COL17A1: variants seen among roughly 807,000 people sequenced by gnomAD.
COL17A1 encodes the protein collagen type XVII alpha 1 chain.
A neutral mutation model predicts 218.4 loss-of-function variants in COL17A1; 181 were observed. The ratio of observed to expected loss-of-function variants is 0.83; its 90% CI spans 0.73 to 0.94. The LOEUF (loss-of-function observed/expected upper bound fraction) is 0.94. COL17A1 is among the 40% of genes least tolerant of loss of function. The pLI, the probability that COL17A1 is intolerant of heterozygous loss-of-function variation, is 0.00. For synonymous variants in COL17A1, 721 were observed against 731.0 expected (o/e 0.99, Z 0.22); for missense variants, 1,924 against 1,945.9 (o/e 0.99, Z 0.21).
chr10:104,046,938 C>T (rs1462163193), intron 31 of COL17A1, among the ~76,000 whole-genome samples, 165 bp from the exon 32 acceptor site: 2 of 152,226 alleles, frequency 1.3e-5, no homozygotes, highest in Non-Finnish European at 2.9e-5. Flanking sequence ...CCTCTCAGCT[C>T]TGGATGGAGA....
chr10:104,078,692 C>A, intron 2 of COL17A1, 106 bp from the exon 3 acceptor site: 2 of 1,475,708 alleles, frequency 1.4e-6, no homozygotes, highest in South Asian at 2.4e-5. Context: ...AAATTAGGTT[C>A]GACATTGATT....
intron 34 of COL17A1, 82 bp downstream of exon 34, chr10:104,043,743 C>T: frequency 6.3e-7 from 1 of 1,576,260 alleles, no homozygotes; most frequent in Non-Finnish European, 8.7e-7. Context: ...CAGCCACATC[C>T]TGCCCAGAAC....
chr10:104,076,542 G>T, intron 4 of COL17A1, 113 bp from the exon 5 acceptor site: 1 of 1,465,056 alleles, frequency 6.8e-7, no homozygotes, highest in South Asian at 1.2e-5. Flanking sequence ...CTTCGGGAGG[G>T]CACAGCTGAA....
intron 1 of COL17A1, among the ~76,000 whole-genome samples, chr10:104,081,311 T>G (rs2086763018): frequency 6.6e-6 from 1 of 152,214 alleles, no homozygotes; most frequent in South Asian, 2.1e-4. Flanking sequence ...TGAAAAACAG[T>G]TCAAGAAAGC....
chr10:104,045,115 C>A (rs1319646980), intron 33 of COL17A1, among the ~76,000 whole-genome samples: 1 of 152,128 alleles, frequency 6.6e-6, no homozygotes, highest in African/African-American at 2.4e-5. Flanking sequence ...CACTGTGGGT[C>A]CCTGAACTTG....
In COL17A1 at chr10:104,070,447, C is replaced by G; in HGVS notation, c.586G>C (p.Val196Leu). The change falls in exon 9 of 56, where the codon GTG becomes CTG. Residue 196 changes from valine to leucine, a missense_variant. Physicochemically the swap from Val to Leu is conservative, Grantham distance 32. Transcript: ENST00000648076. ...TTACCCGACTGGGAGCTCGCTGTCA[C>G]AATTTTGGTCTCCACAGTGCCTTTC... Reference protein sequence around the residue: ...PKKGTVETKIVTASSQSVSGT... With the variant: ...PKKGTVETKILTASSQSVSGT... 1 of 1,614,026 alleles carries G rather than the reference C, an allele frequency of 6.2e-7. No homozygotes were observed. The highest frequency in any genetic ancestry group is 1.7e-5 in the Admixed American group (1 of 60,028).
At chr10:104,040,908 A>C (rs949152276) in intron 39 of COL17A1, among the ~76,000 whole-genome samples, 157 bp downstream of exon 39, 1 of 152,248 alleles carries the variant, frequency 6.6e-6, no homozygotes, top group Non-Finnish European at 1.5e-5. Context: ...TATTCCCTCC[A>C]TGTGCAGCAA....
rs1473460426 is a variant in COL17A1, at chr10:104,032,102, G to A, written c.*133C>T. 2.8e-6 allele frequency: 2 copies of A among 719,778 alleles called. No homozygotes were observed. The highest frequency in any genetic ancestry group is 5.0e-6 in the Non-Finnish European group (2 of 396,972). 44.6% of individuals were successfully genotyped at this position (719,778 alleles called of 1,614,324 possible). A position where few individuals can be genotyped will look rare whatever the true frequency, so the allele number is the denominator to read the frequency against. On this transcript the variant is annotated 3_prime_UTR_variant, in exon 56 of 56. Transcript: ENST00000648076. ...ATATATTGTTCAGACTAAAACAAAT[G>A]TTGCTAGCTAGGTTGGCTGTGCTGT...
intron 9 of COL17A1, among the ~76,000 whole-genome samples, chr10:104,068,264 G>A (rs571221693): frequency 7.3e-6 from 1 of 136,784 alleles, no homozygotes; most frequent in Admixed American, 7.8e-5. Flanking sequence ...GAAAAGGAGA[G>A]GAGAATAAAG....
intron 23 of COL17A1, 59 bp downstream of exon 23, chr10:104,052,972 G>T: frequency 6.3e-7 from 1 of 1,582,338 alleles, no homozygotes. Flanking sequence ...GACGGGTGTT[G>T]ACAGAGAGAA....
intron 33 of COL17A1, among the ~76,000 whole-genome samples, chr10:104,044,993 G>T (rs988643354): frequency 1.7e-4 from 26 of 152,070 alleles, no homozygotes; most frequent in Non-Finnish European, 4.4e-5. Flanking sequence ...TTATTTTAGG[G>T]TCCCACCAAG....
intron 29 of COL17A1, 63 bp from the exon 30 acceptor site, chr10:104,048,167 T>C: frequency 6.3e-7 from 1 of 1,576,428 alleles, no homozygotes; most frequent in Non-Finnish European, 8.7e-7. Context: ...TTCCTCCCTC[T>C]ACTGTCCCAG....
chr10:104,080,833 C>T (rs2086758569), intron 1 of COL17A1, 149 bp from the exon 2 acceptor site: 2 of 827,402 alleles, frequency 2.4e-6, no homozygotes, highest in Middle Eastern at 2.7e-4. Context: ...TGAGTCATTC[C>T]CATTTCTTGT....
Position 104,050,847 on chromosome 10 carries a change from C to CCTTTGA in COL17A1, c.2087_2092dup (p.Val696_Lys697dup), listed in dbSNP as rs1310061550. ...TCCCCCCAGGCCTCCCTCCAGCTTA[C>CCTTTGA]CTTTGACACCAGGAAGTCCTACTTC... On this transcript the variant is annotated inframe_insertion and splice_region_variant. Transcript: ENST00000648076. The CCTTTGA allele has an allele frequency of 6.2e-7, 1 of 1,614,134 alleles. No homozygotes were observed. Among genetic ancestry groups the CCTTTGA allele is most frequent in the Non-Finnish European group, 8.5e-7 (1 of 1,180,034 alleles).
chr10:104,080,532 T>C, intron 2 of COL17A1, 90 bp downstream of exon 2: 2 of 1,431,336 alleles, frequency 1.4e-6, no homozygotes, highest in Non-Finnish European at 1.9e-6. Context: ...GTGGTTGTGG[T>C]AGAATTATTA....
Position 104,055,679 on chromosome 10 carries a change from G to A in COL17A1, c.1687+103C>T, listed in dbSNP as rs868371087. The A allele has an allele frequency of 4.8e-5, 72 of 1,490,634 alleles. No individual in the cohort carries two copies. The Middle Eastern group carries it at 1.8e-3, about 37-fold the overall frequency. 92.3% of individuals were successfully genotyped at this position (1,490,634 alleles called of 1,614,324 possible). The stretch of plus-strand genomic sequence containing the variant: ...GATCAGGGGAGGAGAGAGGCCGAGA[G>A]TGGGCCGGATGATGGTGCTCACAGC... On this transcript the variant is annotated intron_variant, in intron 18 of 55. Transcript: ENST00000648076.
chr10:104,060,058 T>C, intron 14 of COL17A1, 61 bp downstream of exon 14: 1 of 1,610,600 alleles, frequency 6.2e-7, no homozygotes. Context: ...TGCTAGGACA[T>C]TTGGTCTCCT....
chr10:104,039,301 C>A (rs974315897), intron 43 of COL17A1, 144 bp downstream of exon 43: 4 of 1,064,424 alleles, frequency 3.8e-6, no homozygotes, highest in Non-Finnish European at 4.3e-6. Context: ...TCCCTTCCAC[C>A]CTCTGGCCTT....
intron 19 of COL17A1, 40 bp downstream of exon 19, chr10:104,055,332 A>G (rs2086509754): frequency 2.5e-5 from 41 of 1,613,930 alleles, no homozygotes; most frequent in Non-Finnish European, 3.5e-5. Flanking sequence ...TTCCAACTGC[A>G]GGAAATGAAT....
Sources: allele counts gnomAD v4.1 joint callset (sites outside exome capture counted in the v4.1 genomes callset), GRCh38; gene constraint gnomAD v4.1.1; transcripts MANE v1.5; gene names NCBI Gene and HGNC (gene_info 2026-07-23, HGNC 2026-07-21).